The following CHST9 variants were observed in gnomAD, a reference collection of about 807,000 sequenced individuals.
The protein encoded by CHST9 is carbohydrate sulfotransferase 9.
A neutral mutation model predicts 44.4 loss-of-function variants in CHST9; 41 were observed. The ratio of observed to expected loss-of-function variants is 0.92; its 90% CI spans 0.72 to 1.20. The LOEUF is 1.20. CHST9 is among the 50% of genes most tolerant of loss of function. CHST9 has a pLI of 0.00. For missense variants in CHST9, 504 were observed against 516.5 expected (o/e 0.98, Z 0.23); for synonymous variants, 171 against 178.4 (o/e 0.96, Z 0.33).
At chr18:27,055,879 T>G (rs1357804921) in intron 2 of CHST9, among the ~76,000 whole-genome samples, 1 of 152,114 alleles carries the variant, frequency 6.6e-6, no homozygotes, top group East Asian at 1.9e-4. Context: ...AATCTGGGAA[T>G]GAGGTCTTGA....
At chr18:27,005,382 T>G (rs2057004508) in intron 4 of CHST9, among the ~76,000 whole-genome samples, 1 of 152,180 alleles carries the variant, frequency 6.6e-6, no homozygotes, top group Non-Finnish European at 1.5e-5. Flanking sequence ...CTTCTCTCTT[T>G]AAAATTTGGT....
chr18:27,147,759 T>A (rs200324353), intron 1 of CHST9: 1 of 152,246 alleles, frequency 6.6e-6, no homozygotes, highest in Non-Finnish European at 1.5e-5. Flanking sequence ...CTACGTCTTT[T>A]CTCAGTGACA....
At chr18:27,156,807 G>C (rs1378310808) in intron 1 of CHST9, among the ~76,000 whole-genome samples, 1 of 152,020 alleles carries the variant, frequency 6.6e-6, no homozygotes, top group African/African-American at 2.4e-5. Flanking sequence ...CAGTAAAATA[G>C]AAACATCTGC....
intron 2 of CHST9, among the ~76,000 whole-genome samples, chr18:27,084,629 T>G: frequency 6.6e-6 from 1 of 151,764 alleles, no homozygotes; most frequent in South Asian, 2.1e-4. Context: ...TTTGTATGGT[T>G]TTTTTGGTCT....
At chr18:26,978,919 C>A (rs1275616830) in intron 4 of CHST9, among the ~76,000 whole-genome samples, 1 of 152,120 alleles carries the variant, frequency 6.6e-6, no homozygotes. Context: ...AAGGGAGAGT[C>A]AAGACCTTAG....
At chr18:26,984,342 C>T (rs1419329001) in intron 4 of CHST9, among the ~76,000 whole-genome samples, 2 of 152,126 alleles carry the variant, frequency 1.3e-5, no homozygotes, top group Non-Finnish European at 2.9e-5. Context: ...TATCCTGACT[C>T]CCACTTCACA....
Position 26,916,699 on chromosome 18 carries a change from T to C in CHST9, c.892A>G (p.Asn298Asp). 1.2e-6 allele frequency: 2 copies of C among 1,613,932 alleles called. No homozygotes were observed. The highest frequency in any genetic ancestry group is 1.7e-6 in the Non-Finnish European group (2 of 1,179,826). ...SAFRDKFEHP[N>D]SYYHPVFGKA... ...CCGAATACTGGATGGTAATAACTAT[T>C]GGGGTGTTCAAATTTGTCCCTAAAG... The change falls in exon 6 of 6, where the codon AAT becomes GAT. Residue 298 changes from asparagine to aspartate, a missense_variant. Asn to Asp is a conservative substitution (Grantham distance 23). Coordinates refer to ENST00000618847, the MANE Select transcript of CHST9 (RefSeq NM_031422.6).
intron 2 of CHST9, among the ~76,000 whole-genome samples, chr18:27,080,387 T>A (rs1347910637): frequency 6.6e-6 from 1 of 151,894 alleles, no homozygotes; most frequent in East Asian, 2.0e-4. Flanking sequence ...TCATTTCTTT[T>A]AGGACATGCT....
chr18:27,007,524 T>C (rs1427134646), intron 4 of CHST9, among the ~76,000 whole-genome samples: 1 of 152,098 alleles, frequency 6.6e-6, no homozygotes, highest in Non-Finnish European at 1.5e-5. Context: ...CAAGAGCAGA[T>C]ATAATCACTG....
At chr18:27,087,826 T>C (rs2058027689) in intron 2 of CHST9, among the ~76,000 whole-genome samples, 6 of 152,192 alleles carry the variant, frequency 3.9e-5, no homozygotes, top group African/African-American at 1.4e-4. Flanking sequence ...GAAAAGGGCA[T>C]CTGTAAGGGA....
At chr18:26,946,166 C>T (rs1010532755) in intron 4 of CHST9, among the ~76,000 whole-genome samples, 5 of 152,072 alleles carry the variant, frequency 3.3e-5, no homozygotes, top group South Asian at 4.1e-4. Flanking sequence ...AGTTTATATG[C>T]GGAGTGTTTA....
intron 3 of CHST9, among the ~76,000 whole-genome samples, chr18:27,025,064 GTA>G (rs961160238): frequency 1.2e-3 from 179 of 146,226 alleles, no homozygotes; most frequent in African/African-American, 4.2e-3. Flanking sequence ...ATATATATAT[GTA>G]TATATATAAT....
At chr18:27,130,589 T>C (rs2058463196) in intron 2 of CHST9, among the ~76,000 whole-genome samples, 2 of 152,208 alleles carry the variant, frequency 1.3e-5, no homozygotes, top group Admixed American at 6.5e-5. Flanking sequence ...TTTTGGAGAA[T>C]ACGCAATTCA....
At chr18:27,081,159 C>T (rs1483802353) in intron 2 of CHST9, among the ~76,000 whole-genome samples, 1 of 152,000 alleles carries the variant, frequency 6.6e-6, no homozygotes, top group African/African-American at 2.4e-5. Context: ...ACAACAAGAC[C>T]TCATCTCTAC....
intron 2 of CHST9, among the ~76,000 whole-genome samples, chr18:27,083,833 T>C (rs116402294): frequency 6.6e-6 from 1 of 152,036 alleles, no homozygotes; most frequent in Non-Finnish European, 1.5e-5. Context: ...AATATTTGTA[T>C]AACAGTTTAA....
intron 2 of CHST9, among the ~76,000 whole-genome samples, chr18:27,100,566 C>G (rs72884313): frequency 0.12 from 18,265 of 152,112 alleles, 1,468 homozygotes; most frequent in Non-Finnish European, 0.17. Flanking sequence ...GAGGACAGTG[C>G]AAAAATTCCC....
chr18:27,124,206 C>A (rs2058400191), intron 2 of CHST9, among the ~76,000 whole-genome samples: 1 of 152,216 alleles, frequency 6.6e-6, no homozygotes, highest in Admixed American at 6.5e-5. Context: ...GAAATTGCTT[C>A]AGGGAAGAAG....
intron 4 of CHST9, among the ~76,000 whole-genome samples, chr18:27,005,363 G>A (rs1222533122): frequency 6.6e-6 from 1 of 152,084 alleles, no homozygotes; most frequent in Non-Finnish European, 1.5e-5. Flanking sequence ...GGCCAACCTT[G>A]GGTCTTTTCT....
At position 26,912,417 on chromosome 18, in the gene CHST9, AC is replaced by A. The variant is rs1234381341; in HGVS notation, c.*3841del. 6.6e-6 allele frequency: 1 copy of A among 151,630 alleles called. No individual in the cohort carries two copies. The highest frequency in any genetic ancestry group is 2.4e-5 in the African/African-American group (1 of 41,174). The allele number at this position is 151,630 out of a possible 1,614,324, so 9.4% of individuals were successfully genotyped here. A position where few individuals can be genotyped will look rare whatever the true frequency, so the allele number is the denominator to read the frequency against. On this transcript the variant is annotated 3_prime_UTR_variant, in exon 6 of 6. Coordinates refer to ENST00000618847, the MANE Select transcript of CHST9 (RefSeq NM_031422.6). ...CACACACACACACACACACACAGAC[AC>A]CCATATTTGTATGGAAAAAATTTCA...
Sources: allele counts gnomAD v4.1 joint callset (sites outside exome capture counted in the v4.1 genomes callset), GRCh38; gene constraint gnomAD v4.1.1; transcripts MANE v1.5; gene names NCBI Gene and HGNC (gene_info 2026-07-23, HGNC 2026-07-21).